Variants in ASTN2 observed in about 807,000 individuals in gnomAD.
The protein encoded by ASTN2 is astrotactin-2.
A neutral mutation model predicts 139.8 loss-of-function variants in ASTN2; 54 were observed. The ratio of observed to expected loss-of-function variants is 0.39; its 90% CI spans 0.31 to 0.48. The LOEUF (loss-of-function observed/expected upper bound fraction) is 0.48. Ranked by LOEUF, ASTN2 falls within the 20% of genes least tolerant of loss-of-function variation. The probability of loss-of-function intolerance (pLI) is 0.95; values close to 1 mark genes in which losing one functional copy is unlikely to be tolerated. For synonymous variants in ASTN2, 756 were observed against 719.5 expected (o/e 1.05, Z -0.81); for missense variants, 1,565 against 1,725.1 (o/e 0.91, Z 1.64).
rs764889514 is a variant in ASTN2 at position 116,524,312 on chromosome 9, C to A, written c.3356-36812G>T. On this transcript the variant is annotated intron_variant, in intron 19 of 22. Coordinates refer to ENST00000313400, the MANE Select transcript of ASTN2 (RefSeq NM_001365068.1). ...GCTACGTGAAATGTAACTCGATTGACTGGAAGGCAAGTATACTGCTGAAAC... is the reference window on the plus strand; with the variant it reads ...GCTACGTGAAATGTAACTCGATTGAATGGAAGGCAAGTATACTGCTGAAAC... Among the ~76,000 whole-genome samples, 220 of 152,122 alleles carry A rather than the reference C, an allele frequency of 1.4e-3. 3 individuals carry two copies. Among genetic ancestry groups the A allele is most frequent in the Non-Finnish European group, 5.0e-4 (34 of 68,020 alleles).
At position 117,349,264 on chromosome 9, in the gene ASTN2, C is replaced by T. The variant is rs895063538; in HGVS notation, c.443-57751G>A. 2.0e-5 allele frequency among the ~76,000 whole-genome samples: 3 copies of T among 152,180 alleles called. No individual in the cohort carries two copies. The East Asian group carries it at 5.8e-4, about 29-fold the overall frequency. On this transcript the variant is annotated intron_variant, in intron 1 of 22. Transcript: ENST00000313400. Reference sequence around the variant, plus strand: ...GTCATAGCAGGGTAAGGAACATGATCGTCTCTGCCTGGCCTTAGAAGTCAT... The same window carrying T: ...GTCATAGCAGGGTAAGGAACATGATTGTCTCTGCCTGGCCTTAGAAGTCAT...
chr9:116,603,241 A>G (rs1194274838), intron 19 of ASTN2, among the ~76,000 whole-genome samples: 1 of 152,194 alleles, frequency 6.6e-6, no homozygotes, highest in East Asian at 1.9e-4. Flanking sequence ...TGATAGATGG[A>G]GAAAAAGGAA....
intron 10 of ASTN2, among the ~76,000 whole-genome samples, chr9:116,972,954 A>G (rs1322002286): frequency 6.6e-5 from 10 of 152,204 alleles, no homozygotes; most frequent in Admixed American, 5.9e-4. Flanking sequence ...TATTTATTAA[A>G]TTTCCAACAT....
At chr9:117,071,041 T>C (rs970061977) in intron 5 of ASTN2, among the ~76,000 whole-genome samples, 18 of 149,146 alleles carry the variant, frequency 1.2e-4, no homozygotes, top group Non-Finnish European at 2.2e-4. Context: ...AGCTTTGTTC[T>C]GTTGCTGGTG....
At chr9:116,920,650 G>T (rs1834579475) in intron 10 of ASTN2, among the ~76,000 whole-genome samples, 1 of 152,134 alleles carries the variant, frequency 6.6e-6, no homozygotes, top group East Asian at 1.9e-4. Context: ...GAGGGCAGGG[G>T]GATTTTGTCT....
chr9:117,258,608 G>C (rs1399056314), intron 2 of ASTN2, among the ~76,000 whole-genome samples: 2 of 152,120 alleles, frequency 1.3e-5, no homozygotes, highest in African/African-American at 2.4e-5. Flanking sequence ...AAGGTCTGCT[G>C]TGTCTCCATC....
intron 19 of ASTN2, among the ~76,000 whole-genome samples, chr9:116,599,372 G>A (rs998425483): frequency 1.3e-5 from 2 of 152,206 alleles, no homozygotes; most frequent in South Asian, 2.1e-4. Context: ...TCAGATAAGC[G>A]AGAGTATTGT....
At chr9:116,750,812 A>G (rs1829379448) in intron 13 of ASTN2, among the ~76,000 whole-genome samples, 1 of 152,344 alleles carries the variant, frequency 6.6e-6, no homozygotes, top group South Asian at 2.1e-4. Context: ...ACATGCTGTT[A>G]CAGGACAGCT....
intron 1 of ASTN2, among the ~76,000 whole-genome samples, chr9:117,382,183 C>T (rs1426719213): frequency 6.6e-6 from 1 of 151,964 alleles, no homozygotes; most frequent in Non-Finnish European, 1.5e-5. Context: ...GTAGAGGGTG[C>T]CCAGTTGTAG....
At chr9:116,642,721 C>A (rs955002590) in intron 17 of ASTN2, among the ~76,000 whole-genome samples, 2 of 152,110 alleles carry the variant, frequency 1.3e-5, no homozygotes, top group Non-Finnish European at 2.9e-5. Flanking sequence ...AATTAACAAC[C>A]CTTGCCATAA....
At chr9:116,444,131 A>AG (rs1847917691) in intron 20 of ASTN2, among the ~76,000 whole-genome samples, 2 of 152,268 alleles carry the variant, frequency 1.3e-5, no homozygotes, top group South Asian at 4.2e-4. Flanking sequence ...AGGCTCAGAG[A>AG]GGGGAAGCAG....
chr9:117,406,856 TAA>T (rs779160513), intron 1 of ASTN2, among the ~76,000 whole-genome samples: 1 of 97,164 alleles, frequency 1.0e-5, no homozygotes, highest in Non-Finnish European at 2.1e-5. Flanking sequence ...CATTGTCCCC[TAA>T]CACACACACA....
chr9:117,100,591 G>A (rs546712205), intron 4 of ASTN2, among the ~76,000 whole-genome samples: 26 of 152,268 alleles, frequency 1.7e-4, no homozygotes, highest in African/African-American at 6.0e-4. Flanking sequence ...ATACAGACAA[G>A]CCACATTTCA....
intron 2 of ASTN2, among the ~76,000 whole-genome samples, chr9:117,232,804 T>A (rs1161818412): frequency 1.3e-5 from 2 of 152,176 alleles, no homozygotes; most frequent in South Asian, 2.1e-4. Flanking sequence ...TTTCTTTTTT[T>A]AATTTATCTC....
At chr9:117,209,108 C>A (rs1832033860) in intron 3 of ASTN2, among the ~76,000 whole-genome samples, 1 of 151,972 alleles carries the variant, frequency 6.6e-6, no homozygotes, top group Non-Finnish European at 1.5e-5. Flanking sequence ...AGAAAACCAC[C>A]CAACTGCAAA....
At chr9:117,080,179 A>G (rs1366704922) in intron 5 of ASTN2, among the ~76,000 whole-genome samples, 1 of 152,262 alleles carries the variant, frequency 6.6e-6, no homozygotes, top group Non-Finnish European at 1.5e-5. Context: ...CATGCATAAT[A>G]TATAACATTG....
At chr9:117,335,407 C>A (rs993428603) in intron 1 of ASTN2, among the ~76,000 whole-genome samples, 2 of 152,186 alleles carry the variant, frequency 1.3e-5, no homozygotes, top group African/African-American at 2.4e-5. Context: ...ACAAACATCT[C>A]CATGTTAGGA....
chr9:116,572,222 C>G (rs1296761807), intron 19 of ASTN2, among the ~76,000 whole-genome samples: 1 of 152,164 alleles, frequency 6.6e-6, no homozygotes, highest in Non-Finnish European at 1.5e-5. Flanking sequence ...AGGCTGTGAC[C>G]ACTCTCAGCT....
At chr9:116,609,318 C>A (rs1472043347) in intron 19 of ASTN2, among the ~76,000 whole-genome samples, 4 of 119,152 alleles carry the variant, frequency 3.4e-5, no homozygotes, top group East Asian at 2.5e-4. Flanking sequence ...CTCTCTCTCT[C>A]TCTCTCTCTC....
Sources: gnomAD v4.1 joint callset for allele counts (sites outside exome capture counted in the v4.1 genomes callset) on GRCh38, gnomAD v4.1.1 for gene constraint, MANE v1.5 for transcripts, NCBI Gene and HGNC (gene_info 2026-07-23, HGNC 2026-07-21) for gene names.